The following RELN variants were observed in gnomAD, a reference collection of about 807,000 sequenced individuals.
The protein encoded by RELN is reelin.
RELN carries 108 observed loss-of-function variants against 427.6 expected under a neutral mutation model. The ratio of observed to expected loss-of-function variants is 0.25; its 90% CI spans 0.22 to 0.30. The LOEUF (loss-of-function observed/expected upper bound fraction) is 0.30, where lower values mean the gene tolerates loss of function less well. RELN is among the 10% of genes least tolerant of loss of function. The pLI is 1.00. For synonymous variants in RELN, 1,524 were observed against 1,513.4 expected (o/e 1.01, Z -0.16); for missense variants, 3,715 against 4,302.8 (o/e 0.86, Z 3.82).
chr7:103,673,274 T>A (rs771609947), intron 11 of RELN, among the ~76,000 whole-genome samples: 7 of 152,124 alleles, frequency 4.6e-5, no homozygotes, highest in Non-Finnish European at 1.0e-4. Flanking sequence ...ATAACCTCTA[T>A]CTGGCTTATC....
rs777054828 is a variant in RELN at position 103,640,613 on chromosome 7, T to C, written c.2003-4A>G. On this transcript the variant is annotated splice_region_variant and splice_polypyrimidine_tract_variant and intron_variant, in intron 16 of 64. Transcript: ENST00000428762. This position sits in a 1 kb window ranked among gnomAD's most constrained non-coding sequence, Gnocchi z 4.1. ...AGACATGACGGGCCAATATAAACTG[T>C]GGGAGGGAAAAAGAGAACATAATTA... 1.2e-6 allele frequency: 2 copies of C among 1,613,470 alleles called. No individual in the cohort carries two copies. The highest frequency in any genetic ancestry group is 1.7e-6 in the Non-Finnish European group (2 of 1,179,782).
Position 103,626,815 on chromosome 7 carries a change from T to C in RELN, c.2702+3125A>G, listed in dbSNP as rs1295811619. Among the ~76,000 whole-genome samples, 1 of 152,120 alleles carries C rather than the reference T, an allele frequency of 6.6e-6. No individual in the cohort carries two copies. Among genetic ancestry groups the C allele is most frequent in the African/African-American group, 2.4e-5 (1 of 41,450 alleles). On this transcript the variant is annotated intron_variant, in intron 20 of 64. Transcript: ENST00000428762. The surrounding 1 kb of genome is among the most constrained non-coding windows in gnomAD (Gnocchi z 4.4). ...TAAACTTCAATTAGAATTTTTCCCT[T>C]ACTGATCTTAAAGTATATGTAAGAG... is the stretch of plus-strand genomic sequence containing the variant.
intron 5 of RELN, among the ~76,000 whole-genome samples, chr7:103,751,322 T>C (rs1486565020): frequency 6.6e-6 from 1 of 152,192 alleles, no homozygotes; most frequent in Non-Finnish European, 1.5e-5. Context: ...GTAATTAAAA[T>C]TACTTCCCAA....
At chr7:103,898,480 T>G (rs985417132) in intron 2 of RELN, among the ~76,000 whole-genome samples, 1 of 152,022 alleles carries the variant, frequency 6.6e-6, no homozygotes, top group African/African-American at 2.4e-5. Flanking sequence ...CAAAATAACT[T>G]ACATTAACAT....
At chr7:103,823,917 G>C (rs990358719) in intron 3 of RELN, among the ~76,000 whole-genome samples, 1 of 152,012 alleles carries the variant, frequency 6.6e-6, no homozygotes, top group Non-Finnish European at 1.5e-5. Context: ...TTTCACACTT[G>C]ACTGATAATT....
chr7:103,614,669 A>G lies in RELN; in HGVS notation c.2703-2866T>C, dbSNP rs1832040037. Among the ~76,000 whole-genome samples, 4 of 152,304 alleles carry G rather than the reference A, an allele frequency of 2.6e-5. No individual in the cohort carries two copies. The South Asian group carries it at 8.3e-4, about 32-fold the overall frequency. Reference sequence around the variant, plus strand: ...GCCTATTCTAGGACTGCTTGTTACAAATGACAGATAAGCCTCTTTACTTTC... The same window carrying G: ...GCCTATTCTAGGACTGCTTGTTACAGATGACAGATAAGCCTCTTTACTTTC... On this transcript the variant is annotated intron_variant, in intron 20 of 64. Transcript: ENST00000428762.
At chr7:103,705,837 A>T (rs1834186584) in intron 8 of RELN, among the ~76,000 whole-genome samples, 1 of 152,228 alleles carries the variant, frequency 6.6e-6, no homozygotes, top group African/African-American at 2.4e-5. Context: ...CAACTGCTTC[A>T]CAGAACTGTT....
intron 3 of RELN, among the ~76,000 whole-genome samples, chr7:103,788,987 C>T (rs966885293): frequency 3.9e-5 from 6 of 152,006 alleles, no homozygotes; most frequent in Non-Finnish European, 8.8e-5. Flanking sequence ...ACCAAAACAA[C>T]AGATACATAG....
At chr7:103,677,047 T>C (rs113967781) in intron 11 of RELN, among the ~76,000 whole-genome samples, 2,969 of 151,070 alleles carry the variant, frequency 0.02, 108 homozygotes, top group African/African-American at 0.069. Context: ...ATAAAAAAAA[T>C]GTGCCACATA....
At chr7:103,721,314 A>T (rs938924755) in intron 8 of RELN, among the ~76,000 whole-genome samples, 2 of 150,762 alleles carry the variant, frequency 1.3e-5, no homozygotes, top group African/African-American at 4.9e-5. Context: ...GCAGGATTCA[A>T]ATCCGTGCTT....
intron 2 of RELN, among the ~76,000 whole-genome samples, chr7:103,857,383 G>A (rs1213301765): frequency 2.0e-5 from 3 of 152,208 alleles, no homozygotes; most frequent in Non-Finnish European, 4.4e-5. Context: ...CTCACCCATA[G>A]TCTCCAGTTT....
chr7:103,581,080 A>G (rs943255484), intron 28 of RELN, among the ~76,000 whole-genome samples: 1 of 152,154 alleles, frequency 6.6e-6, no homozygotes, highest in Non-Finnish European at 1.5e-5. Context: ...TTCTTATGGA[A>G]AAAGAGAGAT....
At chr7:103,972,618 G>A (rs1013297490) in intron 1 of RELN, among the ~76,000 whole-genome samples, 1 of 151,820 alleles carries the variant, frequency 6.6e-6, no homozygotes, top group East Asian at 1.9e-4. Context: ...GGAATAGAGG[G>A]GCCATCATCC....
intron 1 of RELN, among the ~76,000 whole-genome samples, chr7:103,955,352 A>C (rs959746593): frequency 6.6e-6 from 1 of 152,204 alleles, no homozygotes; most frequent in African/African-American, 2.4e-5. Context: ...ACAGTAACTA[A>C]ATTCCTTCCT....
In RELN at chr7:103,490,664, C is replaced by G. The variant is rs1338699707; in HGVS notation, c.9605+4G>C. On this transcript the variant is annotated splice_donor_region_variant and intron_variant, in intron 59 of 64. Coordinates refer to ENST00000428762, the MANE Select transcript of RELN (RefSeq NM_005045.4). Reference sequence around the variant, plus strand: ...CACAAAGTTTACCTTAATTTGCAACCTACCTAGAGGAGACATGGTCAGGCA... The same window carrying G: ...CACAAAGTTTACCTTAATTTGCAACGTACCTAGAGGAGACATGGTCAGGCA... 1 of 1,614,132 alleles carries G rather than the reference C, an allele frequency of 6.2e-7. No homozygotes were observed. The highest frequency in any genetic ancestry group is 1.7e-5 in the Admixed American group (1 of 60,030).
chr7:103,757,879 C>A (rs932486446), intron 4 of RELN, among the ~76,000 whole-genome samples: 1 of 151,942 alleles, frequency 6.6e-6, no homozygotes, highest in African/African-American at 2.4e-5. Flanking sequence ...TTGGTGAGAC[C>A]CATGAAACTG....
At chr7:103,857,603 G>C (rs1388677139) in intron 2 of RELN, among the ~76,000 whole-genome samples, 1 of 152,202 alleles carries the variant, frequency 6.6e-6, no homozygotes, top group African/African-American at 2.4e-5. Context: ...GGCTGAGTAT[G>C]AATCTGCCTG....
chr7:103,870,489 C>G (rs1268802152), intron 2 of RELN, among the ~76,000 whole-genome samples: 1 of 151,990 alleles, frequency 6.6e-6, no homozygotes, highest in Non-Finnish European at 1.5e-5. Context: ...CTAGGTCCCT[C>G]TAACGTGGCA....
chr7:103,777,074 T>C (rs1791762736), intron 3 of RELN, among the ~76,000 whole-genome samples: 1 of 152,174 alleles, frequency 6.6e-6, no homozygotes, highest in Non-Finnish European at 1.5e-5. Context: ...ATTACATTTT[T>C]AAAAAGTATT....
Sources: allele counts gnomAD v4.1 joint callset (sites outside exome capture counted in the v4.1 genomes callset), GRCh38; gene constraint gnomAD v4.1.1; non-coding constraint Gnocchi (gnomAD v3.1); transcripts MANE v1.5; gene names NCBI Gene and HGNC (gene_info 2026-07-23, HGNC 2026-07-21).